TUBD1: variants seen among roughly 807,000 people sequenced by gnomAD.
TUBD1 encodes tubulin delta chain.
TUBD1 carries 38 observed loss-of-function variants against 51.2 expected under a neutral mutation model. The observed-to-expected ratio is 0.74, with a 90% CI of 0.57 to 0.97. The LOEUF (loss-of-function observed/expected upper bound fraction) is 0.97. Ranked by LOEUF, TUBD1 falls within the 50% of genes least tolerant of loss-of-function variation. The probability of loss-of-function intolerance (pLI) is 0.00; values close to 1 mark genes in which losing one functional copy is unlikely to be tolerated. For synonymous variants in TUBD1, 169 were observed against 178.2 expected (o/e 0.95, Z 0.41); for missense variants, 489 against 538.4 (o/e 0.91, Z 0.91).
chr17:59,889,238 T>G (rs2040874246), intron 2 of TUBD1, among the ~76,000 whole-genome samples: 1 of 150,592 alleles, frequency 6.6e-6, no homozygotes, highest in Admixed American at 6.6e-5. Context: ...GGTCTCTAAC[T>G]CCTGACCTCA....
chr17:59,878,064 T>G, intron 5 of TUBD1, 39 bp downstream of exon 5: 1 of 1,528,328 alleles, frequency 6.5e-7, no homozygotes, highest in Non-Finnish European at 9.0e-7. Flanking sequence ...TTTCAGAACA[T>G]AAGGCTTTCC....
chr17:59,888,727 C>CT (rs11462592), intron 2 of TUBD1, among the ~76,000 whole-genome samples: 19,732 of 148,126 alleles, frequency 0.13, 1,514 homozygotes, highest in Middle Eastern at 0.23. Flanking sequence ...TGTTTTTTGT[C>CT]TTTTTTTTTT....
At chr17:59,888,943 C>T (rs1363804274) in intron 2 of TUBD1, among the ~76,000 whole-genome samples, 7 of 150,450 alleles carry the variant, frequency 4.7e-5, no homozygotes, top group African/African-American at 1.7e-4. Context: ...AACTCCTGAC[C>T]TCAGGTGATT....
Position 59,885,518 on chromosome 17 carries a change from C to T in TUBD1, c.320+565G>A, listed in dbSNP as rs1451032748. 10 of 1,576,802 alleles carry T rather than the reference C, an allele frequency of 6.3e-6. No homozygotes were observed. The East Asian group carries it at 2.0e-4, about 32-fold the overall frequency. On this transcript the variant is annotated intron_variant, in intron 3 of 8. Transcript: ENST00000325752. ...TACCTGGAACGAGGCGGTGATCCCT[C>T]CAAAGAACCTGAGTCGGTGGTTCAC...
At chr17:59,866,546 T>C (rs756571599) in intron 7 of TUBD1, 63 bp downstream of exon 7, 1 of 1,578,130 alleles carries the variant, frequency 6.3e-7, no homozygotes, top group South Asian at 1.2e-5. Context: ...TTAAAAACCA[T>C]TTGTACCATA....
chr17:59,863,348 C>A (rs368273247), intron 8 of TUBD1, among the ~76,000 whole-genome samples: 5 of 152,138 alleles, frequency 3.3e-5, no homozygotes, highest in East Asian at 1.9e-4. Flanking sequence ...TGGTGGCTTA[C>A]GCCTGTAATG....
rs71145582 is a variant in TUBD1 at position 59,862,714 on chromosome 17, A to ATTTTT, written c.1259+945_1259+949dup. On this transcript the variant is annotated intron_variant, in intron 8 of 8. Coordinates refer to ENST00000325752, the MANE Select transcript of TUBD1 (RefSeq NM_016261.4). ...ACCACTATGCCAAGCTAATTTTTGT[A>ATTTTT]TTTTTTTTTTTTTTTTTTTTTTTTT... Among the ~76,000 whole-genome samples, 82 of 56,978 alleles carry ATTTTT rather than the reference A, an allele frequency of 1.4e-3. 13 individuals are homozygous for ATTTTT. Among genetic ancestry groups the ATTTTT allele is most frequent in the Non-Finnish European group, 2.0e-3 (63 of 31,520 alleles). 37.4% of individuals were successfully genotyped at this position (56,978 alleles called of 152,430 possible).
chr17:59,891,111 G>C, intron 1 of TUBD1, 70 bp from the exon 2 acceptor site: 2 of 820,802 alleles, frequency 2.4e-6, no homozygotes, highest in South Asian at 1.8e-5. Context: ...TGCCATGTAT[G>C]TTAATTATAC....
At chr17:59,890,715 C>A (rs1217316385) in intron 2 of TUBD1, 116 bp downstream of exon 2, 1 of 874,890 alleles carries the variant, frequency 1.1e-6, no homozygotes. Flanking sequence ...AAAGCAAAAA[C>A]AAAGTAATTC....
chr17:59,881,115 G>A lies in TUBD1; in HGVS notation c.321-5C>T, dbSNP rs778563815. 2 of 1,603,886 alleles carry A rather than the reference G, an allele frequency of 1.2e-6. No individual in the cohort carries two copies. Among genetic ancestry groups the A allele is most frequent in the Non-Finnish European group, 1.7e-6 (2 of 1,171,402 alleles). On this transcript the variant is annotated splice_polypyrimidine_tract_variant and splice_region_variant and intron_variant, in intron 3 of 8. Coordinates refer to ENST00000325752, the MANE Select transcript of TUBD1 (RefSeq NM_016261.4). The stretch of plus-strand genomic sequence containing the variant: ...CTGGGTCCATGAACAGAGTAACTAT[G>A]CAATGGCAAAAGAAACAAACACAAA...
chr17:59,876,869 T>C (rs1316850852), intron 5 of TUBD1, among the ~76,000 whole-genome samples: 6 of 141,954 alleles, frequency 4.2e-5, no homozygotes, highest in African/African-American at 1.3e-4. Flanking sequence ...TTAACCATTC[T>C]TTTTTTTTTT....
chr17:59,881,215 G>A, intron 3 of TUBD1, 105 bp from the exon 4 acceptor site: 1 of 903,108 alleles, frequency 1.1e-6, no homozygotes, highest in East Asian at 2.5e-5. Context: ...CAAAACTACG[G>A]AAGTGAAGGA....
chr17:59,875,418 G>A (rs1014575661), intron 5 of TUBD1, among the ~76,000 whole-genome samples: 4 of 151,442 alleles, frequency 2.6e-5, no homozygotes, highest in East Asian at 2.0e-4. Flanking sequence ...TTTACATACC[G>A]TATCTGGTTA....
chr17:59,866,225 A>C (rs2039692783), intron 7 of TUBD1, among the ~76,000 whole-genome samples: 1 of 148,612 alleles, frequency 6.7e-6, no homozygotes, highest in Non-Finnish European at 1.5e-5. Flanking sequence ...TGTTCAGAAA[A>C]CAATTCTTTT....
At chr17:59,874,794 G>A in intron 5 of TUBD1, 91 bp from the exon 6 acceptor site, 1 of 1,066,624 alleles carries the variant, frequency 9.4e-7, no homozygotes, top group Non-Finnish European at 1.4e-6. Flanking sequence ...GGTTTTCTGG[G>A]CCAAATGTTT....
chr17:59,872,905 G>A (rs1335492574), intron 6 of TUBD1, among the ~76,000 whole-genome samples: 2 of 151,704 alleles, frequency 1.3e-5, no homozygotes, highest in South Asian at 2.1e-4. Flanking sequence ...AATTACAGGC[G>A]ACTGCCACCA....
At chr17:59,888,370 G>A (rs1296279) in intron 2 of TUBD1, among the ~76,000 whole-genome samples, 25,518 of 152,114 alleles carry the variant, frequency 0.17, 2,469 homozygotes, top group East Asian at 0.39. Context: ...AGTCAGTGAA[G>A]GTGGAAAGGG....
At chr17:59,891,083 T>A in intron 1 of TUBD1, 42 bp from the exon 2 acceptor site, 1 of 1,043,730 alleles carries the variant, frequency 9.6e-7, no homozygotes, top group Non-Finnish European at 1.4e-6. Context: ...ACTACATTAC[T>A]AATAAGAACA....
intron 6 of TUBD1, among the ~76,000 whole-genome samples, chr17:59,866,983 C>T (rs1156724578): frequency 2.0e-5 from 3 of 151,976 alleles, no homozygotes; most frequent in East Asian, 1.9e-4. Context: ...TTAGTAGAGA[C>T]GGGGTTTCAC....
Sources: allele counts gnomAD v4.1 joint callset (sites outside exome capture counted in the v4.1 genomes callset), GRCh38; gene constraint gnomAD v4.1.1; transcripts MANE v1.5; gene names NCBI Gene and HGNC (gene_info 2026-07-23, HGNC 2026-07-21).